Variants in SNX29 observed in about 807,000 individuals in gnomAD.
SNX29 encodes sorting nexin-29.
SNX29 carries 78 observed loss-of-function variants against 102.1 expected under a neutral mutation model. The ratio of observed to expected loss-of-function variants is 0.76; its 90% confidence interval spans 0.64 to 0.92. The LOEUF is 0.92. SNX29 is among the 40% of genes least tolerant of loss of function. The probability of loss-of-function intolerance (pLI) is 0.00; values close to 1 mark genes in which losing one functional copy is unlikely to be tolerated. For missense variants in SNX29, 1,280 were observed against 1,061.7 expected (o/e 1.21, Z -2.86); for synonymous variants, 580 against 414.5 (o/e 1.40, Z -4.85).
At chr16:12,449,943 G>A (rs1041639727) in intron 18 of SNX29, among the ~76,000 whole-genome samples, 4 of 152,260 alleles carry the variant, frequency 2.6e-5, no homozygotes, top group African/African-American at 9.6e-5. Flanking sequence ...AATTCCCCAC[G>A]TGTTGTGGGA....
chr16:12,355,358 A>G (rs894978901), intron 15 of SNX29, among the ~76,000 whole-genome samples: 5 of 152,164 alleles, frequency 3.3e-5, no homozygotes, highest in Admixed American at 6.5e-5. Context: ...TAGCTCATGT[A>G]AAGTACTTAC....
chr16:12,525,977 TAGG>T (rs1447666094), intron 20 of SNX29, among the ~76,000 whole-genome samples: 1 of 152,136 alleles, frequency 6.6e-6, no homozygotes, highest in Admixed American at 6.5e-5. Flanking sequence ...TCCTTGGAAT[TAGG>T]GGAACCAAAA....
chr16:12,266,394 C>G (rs914219067), intron 14 of SNX29, among the ~76,000 whole-genome samples: 1 of 152,062 alleles, frequency 6.6e-6, no homozygotes, highest in African/African-American at 2.4e-5. Context: ...CAGGACTGCC[C>G]CTATTGCGGA....
intron 18 of SNX29, among the ~76,000 whole-genome samples, chr16:12,404,879 G>C (rs955513830): frequency 1.3e-5 from 2 of 152,148 alleles, no homozygotes; most frequent in Non-Finnish European, 2.9e-5. Context: ...TCAGGTCTAA[G>C]CATAATATGC....
At chr16:12,547,505 C>T (rs897939563) in intron 20 of SNX29, among the ~76,000 whole-genome samples, 11 of 152,082 alleles carry the variant, frequency 7.2e-5, no homozygotes, top group Admixed American at 3.3e-4. Context: ...TTGCTGGTTT[C>T]AATGTGGGTG....
At position 12,241,484 on chromosome 16, in the gene SNX29, G is replaced by A. The variant is rs143398667; in HGVS notation, c.1679-36449G>A. On this transcript the variant is annotated intron_variant, in intron 14 of 20. Transcript: ENST00000566228. ...GTCTATCTTTTTTTTTTTGGAGATG[G>A]AGTCTCTCTCTGTTGCCCAGGCTGG... 5.1e-3 allele frequency among the ~76,000 whole-genome samples: 772 copies of A among 151,632 alleles called. 10 individuals carry two copies. The highest frequency in any genetic ancestry group is 0.018 in the African/African-American group (749 of 41,344).
intron 15 of SNX29, among the ~76,000 whole-genome samples, chr16:12,281,921 T>C (rs1265179781): frequency 6.6e-6 from 1 of 151,668 alleles, no homozygotes; most frequent in African/African-American, 2.4e-5. Flanking sequence ...AGAATCTGTT[T>C]CCATTCTCAA....
chr16:12,171,808 T>C lies in SNX29; in HGVS notation c.1596-27793T>C, dbSNP rs1272754757. On this transcript the variant is annotated intron_variant, in intron 13 of 20. Coordinates refer to ENST00000566228, the MANE Select transcript of SNX29 (RefSeq NM_032167.5). ...TATGTACTCAGCCTCTAATGTCTTG[T>C]GGTGTGGTGGTATGGCCCAATTGTT... Among the ~76,000 whole-genome samples the C allele has an allele frequency of 2.0e-5, 3 of 152,232 alleles. No homozygotes were observed. In the East Asian group the frequency reaches 5.8e-4, roughly 29 times the overall value.
At chr16:11,998,701 T>A (rs1165074722) in intron 1 of SNX29, among the ~76,000 whole-genome samples, 2 of 152,200 alleles carry the variant, frequency 1.3e-5, no homozygotes, top group Non-Finnish European at 2.9e-5. Context: ...TGAATGACTT[T>A]CCCAGAACTT....
intron 20 of SNX29, among the ~76,000 whole-genome samples, chr16:12,548,319 G>A (rs1187312171): frequency 2.0e-5 from 3 of 152,154 alleles, no homozygotes; most frequent in African/African-American, 4.8e-5. Context: ...CTACTCTCCT[G>A]GCTTGGTGCC....
chr16:12,141,144 G>C (rs879903867), intron 13 of SNX29, among the ~76,000 whole-genome samples: 9 of 152,230 alleles, frequency 5.9e-5, no homozygotes, highest in Admixed American at 5.9e-4. Flanking sequence ...AAAAAGAGCA[G>C]AGAGTGGGTG....
intron 19 of SNX29, among the ~76,000 whole-genome samples, chr16:12,487,002 G>C (rs994380481): frequency 2.0e-5 from 3 of 152,160 alleles, no homozygotes; most frequent in African/African-American, 7.2e-5. Context: ...AAAAGAAAAA[G>C]ATCCTTAAGG....
chr16:12,309,147 C>T (rs1596848875), intron 15 of SNX29, among the ~76,000 whole-genome samples: 1 of 152,186 alleles, frequency 6.6e-6, no homozygotes, highest in Non-Finnish European at 1.5e-5. Context: ...TTTCTATATA[C>T]AGCAAGAGAT....
At chr16:11,983,870 TGGGGGTGATATCACCCCCAA>T in intron 1 of SNX29, among the ~76,000 whole-genome samples, 1 of 152,038 alleles carries the variant, frequency 6.6e-6, no homozygotes, top group East Asian at 1.9e-4. Context: ...ATATTTGCAG[TGGGGGTGATATCACCCCCAA>T]GGGGGTGAAC....
intron 13 of SNX29, among the ~76,000 whole-genome samples, chr16:12,174,542 G>A (rs891576616): frequency 2.0e-5 from 3 of 152,262 alleles, no homozygotes; most frequent in Admixed American, 1.3e-4. Context: ...ACTCTGCAGC[G>A]GCATTAGCTC....
At chr16:12,189,363 C>A (rs761570926) in intron 13 of SNX29, among the ~76,000 whole-genome samples, 5 of 152,188 alleles carry the variant, frequency 3.3e-5, no homozygotes, top group African/African-American at 4.8e-5. Flanking sequence ...ACAGTTGTCT[C>A]TTTTCTTGAC....
chr16:12,396,393 G>C (rs2083722656), intron 16 of SNX29, among the ~76,000 whole-genome samples: 2 of 152,166 alleles, frequency 1.3e-5, no homozygotes, highest in South Asian at 4.1e-4. Flanking sequence ...CTTCCAGTTG[G>C]AAATGAGGCT....
At chr16:12,565,739 C>G (rs188010171) in intron 20 of SNX29, among the ~76,000 whole-genome samples, 8 of 151,962 alleles carry the variant, frequency 5.3e-5, no homozygotes, top group African/African-American at 1.5e-4. Context: ...AGTCCACCCC[C>G]TCCCCATGGG....
rs2052758143 is a variant in SNX29, at chr16:12,096,165, A to G, written c.1402+17250A>G. 6.6e-6 allele frequency among the ~76,000 whole-genome samples: 1 copy of G among 152,244 alleles called. No homozygotes were observed. Among genetic ancestry groups the G allele is most frequent in the Admixed American group, 6.5e-5 (1 of 15,284 alleles). On this transcript the variant is annotated intron_variant, in intron 11 of 20. Transcript: ENST00000566228. The surrounding 1 kb of genome is among the most constrained non-coding windows in gnomAD (Gnocchi z 4.2). ...GAAGTGAACCTAGGTGACGTGGCCA[A>G]CACAGATCCCTCACGCTGGGCATCT... is the stretch of plus-strand genomic sequence containing the variant.
Sources: allele counts gnomAD v4.1 joint callset (sites outside exome capture counted in the v4.1 genomes callset), GRCh38; gene constraint gnomAD v4.1.1; non-coding constraint Gnocchi (gnomAD v3.1); transcripts MANE v1.5; gene names NCBI Gene and HGNC (gene_info 2026-07-23, HGNC 2026-07-21).